Variants in PCDHGA6 observed in about 807,000 individuals in gnomAD.
PCDHGA6 encodes the protein protocadherin gamma-A6.
PCDHGA6 carries 41 observed loss-of-function variants against 60.6 expected under a neutral mutation model. The ratio of observed to expected loss-of-function variants is 0.68; its 90% CI spans 0.53 to 0.88. PCDHGA6 has a LOEUF of 0.88. Among genes scored for constraint, PCDHGA6 ranks in the 40% least tolerant of loss-of-function variants. The pLI is 0.00. For synonymous variants in PCDHGA6, 594 were observed against 524.4 expected (o/e 1.13, Z -1.81); for missense variants, 1,312 against 1,203.0 (o/e 1.09, Z -1.34).
At chr5:141,430,878 A>G in intron 1 of PCDHGA6, 1 of 1,600,748 alleles carries the variant, frequency 6.2e-7, no homozygotes, top group Admixed American at 1.8e-5. Context: ...GAAGAGCTGG[A>G]GAAAGGCTCT....
In PCDHGA6 at chr5:141,433,322, T is replaced by A. The variant is rs907709272; in HGVS notation, c.2424+56815T>A. On this transcript the variant is annotated intron_variant, in intron 1 of 3. Transcript: ENST00000517434. ...AATTATCCCACCTTTGCCTCCGGTGTAACAGGGACTACAGGTGCAAGCCAC... is the reference window on the plus strand; with the variant it reads ...AATTATCCCACCTTTGCCTCCGGTGAAACAGGGACTACAGGTGCAAGCCAC... The A allele has an allele frequency of 5.3e-6, 4 of 760,298 alleles. No homozygotes were observed. In the African/African-American group the frequency reaches 7.1e-5, roughly 13 times the overall value. The allele number at this position is 760,298 out of a possible 1,614,324, so 47.1% of individuals were successfully genotyped here.
intron 1 of PCDHGA6, chr5:141,409,208 G>A: frequency 6.2e-7 from 1 of 1,613,984 alleles, no homozygotes; most frequent in South Asian, 1.1e-5. Context: ...AGTAATCATA[G>A]AAATCCTTGA....
chr5:141,405,391 T>A, intron 1 of PCDHGA6: 1 of 1,595,892 alleles, frequency 6.3e-7, no homozygotes, highest in Non-Finnish European at 8.5e-7. Flanking sequence ...GTTCATTTTT[T>A]TTCTTTCTTT....
At chr5:141,415,859 T>C in intron 1 of PCDHGA6, 1 of 1,187,664 alleles carries the variant, frequency 8.4e-7, no homozygotes, top group Non-Finnish European at 1.1e-6. Context: ...CCTTGTAGTT[T>C]ATAGTGTTGT....
intron 1 of PCDHGA6, chr5:141,413,055 C>G: frequency 9.8e-7 from 1 of 1,019,544 alleles, no homozygotes; most frequent in Non-Finnish European, 1.4e-6. Flanking sequence ...GGGAAGCTCA[C>G]TCCAGAATTT....
Position 141,374,010 on chromosome 5 carries a change from T to A in PCDHGA6, c.-74T>A. On this transcript the variant is annotated 5_prime_UTR_variant, in exon 1 of 4. Coordinates refer to ENST00000517434, the MANE Select transcript of PCDHGA6 (RefSeq NM_018919.3). ...TTGTTGAAGGACCTTCACCGCTATT[T>A]CTGAGAAGAGCAAAAGTGATGCAGA... 7.3e-7 allele frequency: 1 copy of A among 1,364,772 alleles called. No homozygotes were observed. The highest frequency in any genetic ancestry group is 9.6e-7 in the Non-Finnish European group (1 of 1,043,950). 84.5% of individuals were successfully genotyped at this position (1,364,772 alleles called of 1,614,324 possible). A position where few individuals can be genotyped will look rare whatever the true frequency, so the allele number is the denominator to read the frequency against.
At chr5:141,447,950 G>T (rs1195519095) in intron 1 of PCDHGA6, among the ~76,000 whole-genome samples, 1 of 152,052 alleles carries the variant, frequency 6.6e-6, no homozygotes, top group Non-Finnish European at 1.5e-5. Flanking sequence ...GCTGGGCATG[G>T]TGGCGGACAC....
rs1328761924 is a variant in PCDHGA6, at chr5:141,374,116, C to T, written c.33C>T (p.Ser11=). The part of the protein sequence containing the change: MAPPQRHPQR[S]EQVLLLTLLG... ...CTCCGCAGAGGCATCCGCAGCGCAGCGAGCAGGTCCTGCTCCTCACGCTCC... is the reference window on the plus strand; with the variant it reads ...CTCCGCAGAGGCATCCGCAGCGCAGTGAGCAGGTCCTGCTCCTCACGCTCC... The change falls in exon 1 of 4, where the codon AGC becomes AGT. Residue 11 remains serine (S), a synonymous_variant. Transcript: ENST00000517434. 2 of 1,580,576 alleles carry T rather than the reference C, an allele frequency of 1.3e-6. No individual in the cohort carries two copies. The highest frequency in any genetic ancestry group is 1.7e-6 in the Non-Finnish European group (2 of 1,161,178).
In PCDHGA6 at chr5:141,383,840, T is replaced by C. The variant is rs190731749; in HGVS notation, c.2424+7333T>C. 1.9e-6 allele frequency: 3 copies of C among 1,613,952 alleles called. No homozygotes were observed. In the East Asian group the frequency reaches 6.7e-5, roughly 36 times the overall value. Reference sequence around the variant, plus strand: ...GGATTAGATTATGAAGAAACTGCCTTCTATGAAATGGAGGTTCAGGCTCAA... The same window carrying C: ...GGATTAGATTATGAAGAAACTGCCTCCTATGAAATGGAGGTTCAGGCTCAA... On this transcript the variant is annotated intron_variant, in intron 1 of 3. Transcript: ENST00000517434.
chr5:141,497,187 G>T (rs1475463841), intron 2 of PCDHGA6, among the ~76,000 whole-genome samples: 2 of 139,586 alleles, frequency 1.4e-5, no homozygotes, highest in Non-Finnish European at 3.0e-5. Flanking sequence ...GTTCTGAGAG[G>T]CAGAGAACAA....
intron 1 of PCDHGA6, chr5:141,389,206 G>A: frequency 6.2e-7 from 1 of 1,614,014 alleles, no homozygotes; most frequent in Non-Finnish European, 8.5e-7. Context: ...CTGCACATTG[G>A]TGATGTAAAT....
At chr5:141,427,870 C>T (rs773176633) in intron 1 of PCDHGA6, 86 of 1,558,630 alleles carry the variant, frequency 5.5e-5, no homozygotes, top group Non-Finnish European at 4.8e-5. Context: ...TTCGAGCTCA[C>T]GATGCAGGCC....
Position 141,375,571 on chromosome 5 carries a change from C to T in PCDHGA6, c.1488C>T (p.Leu496=), listed in dbSNP as rs760580799. Residue 496 remains leucine, a synonymous_variant, in exon 1 of 4, where the codon CTC becomes CTT. Coordinates refer to ENST00000517434, the MANE Select transcript of PCDHGA6 (RefSeq NM_018919.3). ...QVSYSLAEDT[L]QGAPLSSYVS... is the part of the protein sequence containing the mutation. Reference sequence around the variant, plus strand: ...CCTACTCACTGGCAGAAGACACCCTCCAGGGGGCGCCCCTGTCCTCCTACG... The same window carrying T: ...CCTACTCACTGGCAGAAGACACCCTTCAGGGGGCGCCCCTGTCCTCCTACG... 15 of 1,613,962 alleles carry T rather than the reference C, an allele frequency of 9.3e-6. No individual in the cohort carries two copies. In the Admixed American group the frequency reaches 2.3e-4, roughly 25 times the overall value.
Position 141,432,442 on chromosome 5 carries a change from G to A in PCDHGA6, c.2424+55935G>A. 1 of 1,614,228 alleles carries A rather than the reference G, an allele frequency of 6.2e-7. No individual in the cohort carries two copies. Among genetic ancestry groups the A allele is most frequent in the Non-Finnish European group, 8.5e-7 (1 of 1,180,042 alleles). On this transcript the variant is annotated intron_variant, in intron 1 of 3. Transcript: ENST00000517434. The surrounding 1 kb of genome is among the most constrained non-coding windows in gnomAD (Gnocchi z 6.0). ...TGGACCAGAACGACAATGCGCCCGA[G>A]ATCCTGTACCCCGCCCTCCCCACGG...
rs1375291090 is a variant in PCDHGA6, at chr5:141,392,672, T to A, written c.2424+16165T>A. 5.7e-6 allele frequency: 5 copies of A among 880,364 alleles called. No homozygotes were observed. In the Admixed American group the frequency reaches 1.3e-4, roughly 22 times the overall value. 54.5% of individuals were successfully genotyped at this position (880,364 alleles called of 1,614,324 possible). A position where few individuals can be genotyped will look rare whatever the true frequency, so the allele number is the denominator to read the frequency against. Reference sequence around the variant, plus strand: ...CCCGCAGATGCCACAAACTAACTGCTGGACTGCAGCGAAACCCGACCCCTG... The same window carrying A: ...CCCGCAGATGCCACAAACTAACTGCAGGACTGCAGCGAAACCCGACCCCTG... On this transcript the variant is annotated intron_variant, in intron 1 of 3. Transcript: ENST00000517434.
intron 1 of PCDHGA6, chr5:141,426,648 A>G (rs1224402025): frequency 2.4e-6 from 1 of 418,088 alleles, no homozygotes; most frequent in Non-Finnish European, 4.9e-6. Flanking sequence ...AAATGTGATG[A>G]TAGAAGATAT....
At chr5:141,466,376 C>A (rs1046432765) in intron 1 of PCDHGA6, among the ~76,000 whole-genome samples, 1 of 151,904 alleles carries the variant, frequency 6.6e-6, no homozygotes, top group Non-Finnish European at 1.5e-5. Flanking sequence ...GTTTTGGCAC[C>A]CATCTAATGG....
At chr5:141,384,904 C>G (rs1780643857) in intron 1 of PCDHGA6, 1 of 1,613,886 alleles carries the variant, frequency 6.2e-7, no homozygotes, top group Admixed American at 1.7e-5. Context: ...TGACAGCATC[C>G]CCGAAGTCTT....
chr5:141,507,781 C>A (rs2099863256), intron 3 of PCDHGA6, among the ~76,000 whole-genome samples: 1 of 152,214 alleles, frequency 6.6e-6, no homozygotes, highest in South Asian at 2.1e-4. Flanking sequence ...CAGGGCCTGA[C>A]CCTCGTCTAA....
Sources: gnomAD v4.1 joint callset for allele counts (sites outside exome capture counted in the v4.1 genomes callset) on GRCh38, gnomAD v4.1.1 for gene constraint, Gnocchi (gnomAD v3.1) non-coding constraint, MANE v1.5 for transcripts, NCBI Gene and HGNC (gene_info 2026-07-23, HGNC 2026-07-21) for gene names.